CRYL1: variants seen among roughly 807,000 people sequenced by gnomAD.
The protein encoded by CRYL1 is lambda-crystallin homolog.
A neutral mutation model predicts 36.6 loss-of-function variants in CRYL1; 29 were observed. The ratio of observed to expected loss-of-function variants is 0.79; its 90% CI spans 0.59 to 1.08. The LOEUF (loss-of-function observed/expected upper bound fraction) is 1.08. Ranked by LOEUF, CRYL1 falls within the 50% of genes least tolerant of loss-of-function variation. CRYL1 has a pLI of 0.00. For synonymous variants in CRYL1, 152 were observed against 151.5 expected (o/e 1.00, Z -0.02); for missense variants, 411 against 407.9 (o/e 1.01, Z -0.06).
intron 3 of CRYL1, among the ~76,000 whole-genome samples, chr13:20,447,179 G>A (rs1331762620): frequency 2.2e-4 from 33 of 152,142 alleles, no homozygotes; most frequent in Non-Finnish European, 2.9e-5. Context: ...AAGTTCAAAT[G>A]TCCACAGGAA....
chr13:20,521,174 A>AAAAG (rs1292532606), intron 1 of CRYL1, among the ~76,000 whole-genome samples: 138 of 151,918 alleles, frequency 9.1e-4, no homozygotes, highest in African/African-American at 3.2e-3. Context: ...ACGAACGAAA[A>AAAAG]AAAGAAAGAA....
At chr13:20,423,411 A>T (rs957324353) in intron 5 of CRYL1, among the ~76,000 whole-genome samples, 1 of 152,278 alleles carries the variant, frequency 6.6e-6, no homozygotes, top group Admixed American at 6.5e-5. Flanking sequence ...GTCACGTATG[A>T]CCTTTATCGT....
chr13:20,459,102 G>C (rs910748164), intron 3 of CRYL1, among the ~76,000 whole-genome samples: 2 of 152,012 alleles, frequency 1.3e-5, no homozygotes, highest in Non-Finnish European at 2.9e-5. Context: ...TGGGCGTGGT[G>C]GCGGGTGCCT....
chr13:20,445,019 T>C (rs1354822666), intron 3 of CRYL1, among the ~76,000 whole-genome samples: 1 of 152,242 alleles, frequency 6.6e-6, no homozygotes, highest in African/African-American at 2.4e-5. Flanking sequence ...ACAAATCCTT[T>C]TTTATTTTTA....
chr13:20,417,310 T>C (rs1384106525), intron 5 of CRYL1, among the ~76,000 whole-genome samples: 1 of 152,216 alleles, frequency 6.6e-6, no homozygotes, highest in African/African-American at 2.4e-5. Context: ...TCATTTGTCA[T>C]TGATAAATAA....
At chr13:20,424,186 C>T (rs2137379402) in intron 5 of CRYL1, among the ~76,000 whole-genome samples, 1 of 152,274 alleles carries the variant, frequency 6.6e-6, no homozygotes, top group South Asian at 2.1e-4. Flanking sequence ...TTACAGAGCT[C>T]TCTGCATTTG....
chr13:20,405,437 T>C (rs1350173066), intron 6 of CRYL1, among the ~76,000 whole-genome samples: 1 of 152,262 alleles, frequency 6.6e-6, no homozygotes. Context: ...TACAAGGTTA[T>C]TTGTGTACAA....
At chr13:20,432,059 G>A in intron 5 of CRYL1, 43 bp downstream of exon 5, 4 of 1,613,744 alleles carry the variant, frequency 2.5e-6, no homozygotes, top group Non-Finnish European at 3.4e-6. Context: ...GAAGAAGGAG[G>A]GAGAAAGGAA....
intron 3 of CRYL1, among the ~76,000 whole-genome samples, chr13:20,457,685 G>A (rs2032719582): frequency 6.6e-6 from 1 of 152,132 alleles, no homozygotes; most frequent in African/African-American, 2.4e-5. Context: ...TATAAACCTG[G>A]TCATTCAGCT....
intron 3 of CRYL1, among the ~76,000 whole-genome samples, chr13:20,452,122 A>G (rs2137418879): frequency 6.6e-6 from 1 of 152,178 alleles, no homozygotes; most frequent in South Asian, 2.1e-4. Flanking sequence ...CACAGATACC[A>G]GGGACTACTA....
chr13:20,422,499 G>A (rs1404076761), intron 5 of CRYL1, among the ~76,000 whole-genome samples: 3 of 152,174 alleles, frequency 2.0e-5, no homozygotes, highest in Non-Finnish European at 4.4e-5. Context: ...ATCATTACAA[G>A]GTACAAACGT....
intron 3 of CRYL1, among the ~76,000 whole-genome samples, chr13:20,485,816 C>A (rs2033385710): frequency 6.6e-6 from 1 of 152,216 alleles, no homozygotes; most frequent in African/African-American, 2.4e-5. Context: ...CTACTAAATA[C>A]CTTCCTTGCA....
intron 5 of CRYL1, among the ~76,000 whole-genome samples, chr13:20,417,777 TGA>T (rs2031707864): frequency 6.6e-6 from 1 of 152,152 alleles, no homozygotes; most frequent in Non-Finnish European, 1.5e-5. Flanking sequence ...ATGCCCAGGC[TGA>T]GAGGAGCCAC....
intron 6 of CRYL1, among the ~76,000 whole-genome samples, chr13:20,405,163 C>T (rs2031333042): frequency 6.6e-6 from 1 of 152,032 alleles, no homozygotes; most frequent in Admixed American, 6.5e-5. Flanking sequence ...CTCAGCTACT[C>T]AGGAGGCTGA....
chr13:20,428,166 G>A (rs1176840662), intron 5 of CRYL1, among the ~76,000 whole-genome samples: 1 of 152,308 alleles, frequency 6.6e-6, no homozygotes, highest in South Asian at 2.1e-4. Context: ...TTCATTGTAT[G>A]CAGCTAGAAC....
Position 20,525,728 on chromosome 13 carries a change from C to T in CRYL1, c.41+26G>A. 1 of 1,346,920 alleles carries T rather than the reference C, an allele frequency of 7.4e-7. No individual in the cohort carries two copies. Among genetic ancestry groups the T allele is most frequent in the South Asian group, 1.8e-5 (1 of 54,398 alleles). 83.4% of individuals were successfully genotyped at this position (1,346,920 alleles called of 1,614,324 possible). ...CCGGCGTCTCCCCGGGCTCCAGGGG[C>T]AGCAGCGCGGCTCGGAGCCCTTTAC... On this transcript the variant is annotated intron_variant, in intron 1 of 7. Transcript: ENST00000298248. This position sits in a 1 kb window ranked among gnomAD's most constrained non-coding sequence, Gnocchi z 4.3.
chr13:20,499,509 C>T (rs1310658713), intron 2 of CRYL1, among the ~76,000 whole-genome samples: 4 of 150,716 alleles, frequency 2.7e-5, no homozygotes, highest in African/African-American at 7.3e-5. Context: ...AAAAATTAGC[C>T]GGGCGTGGTG....
chr13:20,423,112 G>A (rs1021375253), intron 5 of CRYL1, among the ~76,000 whole-genome samples: 4 of 152,092 alleles, frequency 2.6e-5, no homozygotes, highest in South Asian at 2.1e-4. Context: ...AAATGCTACC[G>A]ACCTTTGTAT....
At chr13:20,507,698 C>T (rs1053978464) in intron 2 of CRYL1, among the ~76,000 whole-genome samples, 1 of 152,136 alleles carries the variant, frequency 6.6e-6, no homozygotes, top group Non-Finnish European at 1.5e-5. Flanking sequence ...GCAGGCGGAT[C>T]ACAAGGTCAG....
Sources: allele counts gnomAD v4.1 joint callset (sites outside exome capture counted in the v4.1 genomes callset), GRCh38; gene constraint gnomAD v4.1.1; non-coding constraint Gnocchi (gnomAD v3.1); transcripts MANE v1.5; gene names NCBI Gene and HGNC (gene_info 2026-07-23, HGNC 2026-07-21).